NEK10: variants seen among roughly 807,000 people sequenced by gnomAD.
NEK10 encodes NIMA related kinase 10.
NEK10 carries 122 observed loss-of-function variants against 159.8 expected under a neutral mutation model. That is an observed-to-expected ratio of 0.76 (90% confidence interval 0.66 to 0.89). The LOEUF (loss-of-function observed/expected upper bound fraction) is 0.89. Among genes scored for constraint, NEK10 ranks in the 40% least tolerant of loss-of-function variants. The pLI, the probability that NEK10 is intolerant of heterozygous loss-of-function variation, is 0.00. For missense variants in NEK10, 1,342 were observed against 1,323.1 expected (o/e 1.01, Z -0.22); for synonymous variants, 466 against 457.1 (o/e 1.02, Z -0.25).
At position 27,267,185 on chromosome 3, in the gene NEK10, C is replaced by T. The variant is rs2040965992; in HGVS notation, c.2015-10814G>A. 2.6e-5 allele frequency among the ~76,000 whole-genome samples: 4 copies of T among 152,166 alleles called. No individual in the cohort carries two copies. The South Asian group carries it at 6.2e-4, about 24-fold the overall frequency. ...GCAGCTTTCTGTTTGACAGCTTTAT[C>T]CTGCAGCATTTCAATGCAATTTCTG... On this transcript the variant is annotated intron_variant, in intron 22 of 35. Coordinates refer to ENST00000691995, the MANE Select transcript of NEK10 (RefSeq NM_001394966.1).
At chr3:27,165,088 A>C (rs1300280308) in intron 29 of NEK10, among the ~76,000 whole-genome samples, 1 of 152,220 alleles carries the variant, frequency 6.6e-6, no homozygotes, top group Non-Finnish European at 1.5e-5. Flanking sequence ...CATTCATTCA[A>C]GAAATATTTA....
intron 23 of NEK10, among the ~76,000 whole-genome samples, chr3:27,256,075 G>A (rs1026321778): frequency 6.6e-6 from 1 of 152,118 alleles, no homozygotes; most frequent in Admixed American, 6.5e-5. Flanking sequence ...ATCCCCATGA[G>A]GGGCATGATA....
At chr3:27,309,917 A>G (rs2044551948) in intron 9 of NEK10, 1 of 152,172 alleles carries the variant, frequency 6.6e-6, no homozygotes, top group Admixed American at 6.6e-5. Context: ...GGAAGTCTGT[A>G]GCTTGTCAGT....
Position 27,202,535 on chromosome 3 carries a change from G to A in NEK10, c.2113C>T (p.Pro705Ser). ...YSCPEVLKSE[P>S]YGEKADVWAV... is the part of the protein sequence containing the mutation. ...CAGACATCAGCCTTCTCCCCATACGGCTCACTCTTCAGTACCTCGGGGCTG... is the reference window on the plus strand; with the variant it reads ...CAGACATCAGCCTTCTCCCCATACGACTCACTCTTCAGTACCTCGGGGCTG... The change falls in exon 24 of 36, where the codon CCG (proline) becomes TCG (serine). Residue 705 changes from proline to serine, a missense_variant. Coordinates refer to ENST00000691995, the MANE Select transcript of NEK10 (RefSeq NM_001394966.1). 2.5e-6 allele frequency: 4 copies of A among 1,610,766 alleles called. No homozygotes were observed. Among genetic ancestry groups the A allele is most frequent in the Non-Finnish European group, 3.4e-6 (4 of 1,178,190 alleles).
At chr3:27,204,199 G>C (rs1213422863) in intron 23 of NEK10, among the ~76,000 whole-genome samples, 2 of 144,272 alleles carry the variant, frequency 1.4e-5, no homozygotes, top group African/African-American at 5.2e-5. Context: ...TCTTTGGTGT[G>C]CTTTCACTCC....
At chr3:27,169,943 C>G (rs1946803376) in intron 29 of NEK10, among the ~76,000 whole-genome samples, 1 of 152,138 alleles carries the variant, frequency 6.6e-6, no homozygotes, top group Admixed American at 6.5e-5. Context: ...ATGGAATAAA[C>G]AAGCTGGGAG....
rs568393846 is a variant in NEK10 at position 27,316,859 on chromosome 3, G to A, written c.448-2521C>T. On this transcript the variant is annotated intron_variant, in intron 6 of 35. Transcript: ENST00000691995. ...TTATTGTCCAATCAGCTTGGGAAAT[G>A]TAAGGTAAAACAGATTTAACAAATT... Among the ~76,000 whole-genome samples the A allele has an allele frequency of 7.2e-5, 11 of 152,242 alleles. No homozygotes were observed. In the East Asian group the frequency reaches 1.9e-3, roughly 27 times the overall value.
intron 5 of NEK10, among the ~76,000 whole-genome samples, chr3:27,343,141 A>T (rs549528763): frequency 7.9e-5 from 12 of 152,322 alleles, no homozygotes; most frequent in African/African-American, 2.6e-4. Context: ...GTACAAAGGG[A>T]TGACAGATGC....
chr3:27,181,645 C>T (rs547053664), intron 26 of NEK10, among the ~76,000 whole-genome samples: 117 of 152,174 alleles, frequency 7.7e-4, no homozygotes, highest in African/African-American at 2.5e-3. Context: ...AGCCTGTCTC[C>T]CTGTGTCTAC....
chr3:27,190,258 G>A (rs1468293990), intron 26 of NEK10, among the ~76,000 whole-genome samples: 4 of 152,052 alleles, frequency 2.6e-5, no homozygotes, highest in African/African-American at 4.8e-5. Context: ...TTTACCTGGC[G>A]ATAGCCTGAA....
rs779414230 is a variant in NEK10, at chr3:27,344,264, A to T, written c.362+8T>A. 9 of 1,432,976 alleles carry T rather than the reference A, an allele frequency of 6.3e-6. No homozygotes were observed. Among genetic ancestry groups the T allele is most frequent in the Non-Finnish European group, 7.8e-6 (8 of 1,022,872 alleles). 88.8% of individuals were successfully genotyped at this position (1,432,976 alleles called of 1,614,324 possible). ...CAGTAAAAGCCTGTTTTCCAGGAAC[A>T]ATCTTACCTGCTTATGAGTCTATTT... On this transcript the variant is annotated splice_region_variant and intron_variant, in intron 5 of 35. Transcript: ENST00000691995.
At chr3:27,340,360 G>T (rs1446328071) in intron 5 of NEK10, among the ~76,000 whole-genome samples, 1 of 152,140 alleles carries the variant, frequency 6.6e-6, no homozygotes, top group African/African-American at 2.4e-5. Flanking sequence ...CCTATTGGGT[G>T]GTGGGTGGCA....
At chr3:27,331,673 C>T (rs180897377) in intron 5 of NEK10, among the ~76,000 whole-genome samples, 35 of 152,228 alleles carry the variant, frequency 2.3e-4, no homozygotes, top group Admixed American at 5.9e-4. Context: ...ATATTGATAA[C>T]GAATTGTCTG....
At chr3:27,194,166 C>G (rs949472000) in intron 25 of NEK10, 8 of 151,116 alleles carry the variant, frequency 5.3e-5, no homozygotes, top group African/African-American at 2.0e-4. Context: ...CGCTCTGTCG[C>G]CCAGTCTGGA....
At chr3:27,303,516 C>G (rs1436626875) in intron 12 of NEK10, among the ~76,000 whole-genome samples, 1 of 152,054 alleles carries the variant, frequency 6.6e-6, no homozygotes, top group Admixed American at 6.5e-5. Context: ...TTATTTTGAC[C>G]AAGGGGCTGG....
intron 13 of NEK10, among the ~76,000 whole-genome samples, chr3:27,301,229 C>T (rs2043800143): frequency 1.3e-5 from 2 of 152,222 alleles, no homozygotes; most frequent in Non-Finnish European, 2.9e-5. Flanking sequence ...ATGTGAAAAT[C>T]CTAGACAGGG....
In NEK10 at chr3:27,174,739, C is replaced by G; in HGVS notation, c.2600G>C (p.Gly867Ala). The change falls in exon 27 of 36, where the codon GGC becomes GCC. Residue 867 changes from glycine (G) to alanine (A), a missense_variant. Coordinates refer to ENST00000691995, the MANE Select transcript of NEK10 (RefSeq NM_001394966.1). ...LSESADLPPE[G>A]FQASYGKDED... is the part of the protein sequence containing the mutation. The stretch of plus-strand genomic sequence containing the variant: ...GTCTTTACCATAGGAGGCCTGGAAG[C>G]CTTCAGGGGGCAGGTCTGCGCTTTC... 1 of 1,613,710 alleles carries G rather than the reference C, an allele frequency of 6.2e-7. No individual in the cohort carries two copies. The highest frequency in any genetic ancestry group is 8.5e-7 in the Non-Finnish European group (1 of 1,179,858).
intron 30 of NEK10, 95 bp downstream of exon 30, chr3:27,162,606 A>G: frequency 6.2e-7 from 1 of 1,614,064 alleles, no homozygotes; most frequent in Non-Finnish European, 8.5e-7. Flanking sequence ...GCAAAGCTGA[A>G]GAAATAAAAG....
chr3:27,232,833 C>T (rs777895378), intron 23 of NEK10, among the ~76,000 whole-genome samples: 4 of 151,858 alleles, frequency 2.6e-5, no homozygotes, highest in Admixed American at 6.6e-5. Context: ...ATTCAATAAA[C>T]GGTTCTGAGA....
Sources: allele counts gnomAD v4.1 joint callset (sites outside exome capture counted in the v4.1 genomes callset), GRCh38; gene constraint gnomAD v4.1.1; transcripts MANE v1.5; gene names NCBI Gene and HGNC (gene_info 2026-07-23, HGNC 2026-07-21).